FRZB: variants seen among roughly 807,000 people sequenced by gnomAD.
The protein encoded by FRZB is secreted frizzled-related protein 3.
FRZB carries 34 observed loss-of-function variants against 32.5 expected under a neutral mutation model. The observed-to-expected ratio is 1.05, with a 90% CI of 0.80 to 1.39. The LOEUF is 1.39. FRZB is among the 40% of genes most tolerant of loss of function. The pLI, the probability that FRZB is intolerant of heterozygous loss-of-function variation, is 0.00. For synonymous variants in FRZB, 170 were observed against 159.2 expected (o/e 1.07, Z -0.51); for missense variants, 423 against 424.8 (o/e 1.00, Z 0.04).
chr2:182,865,430 T>C (rs1260457436), intron 1 of FRZB, among the ~76,000 whole-genome samples: 2 of 152,214 alleles, frequency 1.3e-5, no homozygotes. Context: ...TGTTTCATTC[T>C]GGAATGGAAG....
intron 5 of FRZB, among the ~76,000 whole-genome samples, chr2:182,837,172 A>C (rs1044688798): frequency 1.5e-4 from 21 of 140,620 alleles, no homozygotes; most frequent in Non-Finnish European, 2.7e-4. Context: ...TTAGTGCAGT[A>C]AGAAGAAACA....
In FRZB at chr2:182,866,054, G is replaced by A; in HGVS notation, c.478+21C>T. The A allele has an allele frequency of 1.3e-6, 2 of 1,574,238 alleles. No individual in the cohort carries two copies. Among genetic ancestry groups the A allele is most frequent in the African/African-American group, 1.3e-5 (1 of 74,358 alleles). On this transcript the variant is annotated intron_variant, in intron 1 of 5. Coordinates refer to ENST00000295113, the MANE Select transcript of FRZB (RefSeq NM_001463.4). This position sits in a 1 kb window ranked among gnomAD's most constrained non-coding sequence, Gnocchi z 4.5. ...GAGGAGGCTGTAGGGTAAGGGAAGG[G>A]TGGGCCGTGTCAAAACTCACCAGCT...
In FRZB at chr2:182,838,456, A is replaced by G; in HGVS notation, c.750T>C (p.Val250=). The change falls in exon 4 of 6, where the codon GTT becomes GTC. Residue 250 remains valine (V), a synonymous_variant. Coordinates refer to ENST00000295113, the MANE Select transcript of FRZB (RefSeq NM_001463.4). ...AGCCCATGATGATATATTCCTCATT[A>G]ACATTAAGTGGAGGGCAGAGGCAGC... ...SSGCLCPPLN[V]NEEYIIMGYE... 6.2e-7 allele frequency: 1 copy of G among 1,612,890 alleles called. No homozygotes were observed. The highest frequency in any genetic ancestry group is 1.1e-5 in the South Asian group (1 of 91,060).
At chr2:182,841,197 G>A (rs528019963) in intron 3 of FRZB, among the ~76,000 whole-genome samples, 8 of 152,080 alleles carry the variant, frequency 5.3e-5, no homozygotes, top group Non-Finnish European at 1.2e-4. Context: ...ATCCTCTTAA[G>A]AGGAGTAGCA....
At chr2:182,856,644 C>T (rs1452019603) in intron 2 of FRZB, among the ~76,000 whole-genome samples, 1 of 151,948 alleles carries the variant, frequency 6.6e-6, no homozygotes, top group African/African-American at 2.4e-5. Flanking sequence ...GCCCTGCAAA[C>T]ACTAATCAAA....
chr2:182,837,890 G>C, intron 5 of FRZB, 58 bp downstream of exon 5: 1 of 1,363,002 alleles, frequency 7.3e-7, no homozygotes. Flanking sequence ...CAGATGGCTG[G>C]TTTTCTACTT....
intron 2 of FRZB, among the ~76,000 whole-genome samples, chr2:182,854,956 G>A (rs1206437490): frequency 6.6e-6 from 1 of 152,190 alleles, no homozygotes; most frequent in Non-Finnish European, 1.5e-5. Context: ...TCACCCCTGG[G>A]CATGTGTGAC....
intron 5 of FRZB, among the ~76,000 whole-genome samples, chr2:182,835,968 A>C (rs989714121): frequency 6.6e-6 from 1 of 152,126 alleles, no homozygotes; most frequent in Non-Finnish European, 1.5e-5. Context: ...AATAGAATCT[A>C]CTTATAAGTA....
intron 2 of FRZB, among the ~76,000 whole-genome samples, chr2:182,847,065 G>T (rs1353019029): frequency 6.6e-6 from 1 of 152,184 alleles, no homozygotes; most frequent in Admixed American, 6.5e-5. Flanking sequence ...CAGGCTCTGT[G>T]ATAGGCATGT....
In FRZB at chr2:182,837,991, G is replaced by C; in HGVS notation, c.818C>G (p.Ser273Cys). 1.2e-6 allele frequency: 2 copies of C among 1,611,576 alleles called. No individual in the cohort carries two copies. Among genetic ancestry groups the C allele is most frequent in the Non-Finnish European group, 1.7e-6 (2 of 1,178,638 alleles). ...TCGATCCTTCCACTTCTCAGCTATAGAGCCTTCCACCAAGAGTAATCTGTA... is the reference window on the plus strand; with the variant it reads ...TCGATCCTTCCACTTCTCAGCTATACAGCCTTCCACCAAGAGTAATCTGTA... ...ERSRLLLVEGSIAEKWKDRLG... is the reference protein window; with the variant it reads ...ERSRLLLVEGCIAEKWKDRLG... Residue 273 changes from serine to cysteine, a missense_variant, in exon 5 of 6, where the codon TCT (serine) becomes TGT (cysteine). By Grantham distance (112) the Ser-to-Cys change is moderately radical. Transcript: ENST00000295113.
chr2:182,834,727 A>C lies in FRZB; in HGVS notation c.*122T>G. ...GAAACAGAAGTAATAATCAGTTATC[A>C]CATGATTTTTATAGTAAACAATAGA... On this transcript the variant is annotated 3_prime_UTR_variant, in exon 6 of 6. Transcript: ENST00000295113. The C allele has an allele frequency of 1.3e-6, 1 of 748,434 alleles. No homozygotes were observed. Among genetic ancestry groups the C allele is most frequent in the African/African-American group, 1.7e-5 (1 of 57,926 alleles). 46.4% of individuals were successfully genotyped at this position (748,434 alleles called of 1,614,324 possible). A position where few individuals can be genotyped will look rare whatever the true frequency, so the allele number is the denominator to read the frequency against.
At chr2:182,838,287 G>T in intron 4 of FRZB, 122 bp downstream of exon 4, 2 of 842,226 alleles carry the variant, frequency 2.4e-6, no homozygotes, top group Non-Finnish European at 3.7e-6. Context: ...AAACTTATCT[G>T]TAATCCCCAA....
In FRZB at chr2:182,865,461, G is replaced by A. The variant is rs182214757; in HGVS notation, c.478+614C>T. Among the ~76,000 whole-genome samples, 487 of 152,278 alleles carry A rather than the reference G, an allele frequency of 3.2e-3. 4 individuals are homozygous for A. The highest frequency in any genetic ancestry group is 1.9e-3 in the Non-Finnish European group (131 of 68,026). On this transcript the variant is annotated intron_variant, in intron 1 of 5. Coordinates refer to ENST00000295113, the MANE Select transcript of FRZB (RefSeq NM_001463.4). ...GGAAGAACAATTTATCTCATTGAAA[G>A]GAGGGGGAAATTTAAGGTGAAGGTA...
intron 2 of FRZB, among the ~76,000 whole-genome samples, chr2:182,849,152 G>C (rs1052660272): frequency 6.6e-6 from 1 of 151,924 alleles, no homozygotes; most frequent in African/African-American, 2.4e-5. Flanking sequence ...GTGTGAACCC[G>C]GGGGGTGGAG....
At chr2:182,849,899 T>G (rs769879466) in intron 2 of FRZB, among the ~76,000 whole-genome samples, 111 of 152,340 alleles carry the variant, frequency 7.3e-4, no homozygotes, top group Non-Finnish European at 1.8e-4. Flanking sequence ...TCATGACTTC[T>G]GAAGTGTTGT....
intron 1 of FRZB, among the ~76,000 whole-genome samples, chr2:182,859,501 C>G (rs926856202): frequency 2.0e-5 from 3 of 152,102 alleles, no homozygotes. Context: ...AGTGCACCAG[C>G]GGAACACCGT....
chr2:182,848,082 A>C (rs72900734), intron 2 of FRZB, among the ~76,000 whole-genome samples: 2 of 114,866 alleles, frequency 1.7e-5, no homozygotes, highest in African/African-American at 3.1e-5. Flanking sequence ...AAAAAAAAAA[A>C]AAAAAACAGC....
intron 2 of FRZB, among the ~76,000 whole-genome samples, chr2:182,856,086 G>GA (rs1209020132): frequency 6.6e-6 from 1 of 151,870 alleles, no homozygotes; most frequent in Non-Finnish European, 1.5e-5. Context: ...TCAGGTAAAG[G>GA]AAAAAAGAAG....
chr2:182,866,361 G>A lies in FRZB; in HGVS notation c.192C>T (p.Asn64=), dbSNP rs564544694. 3.5e-5 allele frequency: 57 copies of A among 1,614,002 alleles called. 1 individual carries two copies. In the South Asian group the frequency reaches 6.3e-4, roughly 18 times the overall value. ...CGAACTGCTCGATGGCCAGGATGGCGTTGGCCTGAGTGCTGTGGTGCAGGT... is the reference window on the plus strand; with the variant it reads ...CGAACTGCTCGATGGCCAGGATGGCATTGGCCTGAGTGCTGTGGTGCAGGT... ...PNHLHHSTQA[N]AILAIEQFEG... Residue 64 remains asparagine, a synonymous_variant, in exon 1 of 6, where the codon AAC becomes AAT. Coordinates refer to ENST00000295113, the MANE Select transcript of FRZB (RefSeq NM_001463.4). This position sits in a 1 kb window ranked among gnomAD's most constrained non-coding sequence, Gnocchi z 4.5.
Sources: gnomAD v4.1 joint callset for allele counts (sites outside exome capture counted in the v4.1 genomes callset) on GRCh38, gnomAD v4.1.1 for gene constraint, Gnocchi (gnomAD v3.1) non-coding constraint, MANE v1.5 for transcripts, NCBI Gene and HGNC (gene_info 2026-07-23, HGNC 2026-07-21) for gene names.